The following CELF2 variants were observed in gnomAD, a reference collection of about 807,000 sequenced individuals.
CELF2 encodes CUG triplet repeat RNA-binding protein 2.
A neutral mutation model predicts 62.6 loss-of-function variants in CELF2; 8 were observed. The ratio of observed to expected loss-of-function variants is 0.13; its 90% CI spans 0.07 to 0.23. The LOEUF (loss-of-function observed/expected upper bound fraction) is 0.23. CELF2 is among the 10% of genes least tolerant of loss of function. The probability of loss-of-function intolerance (pLI) is 1.00; values close to 1 mark genes in which losing one functional copy is unlikely to be tolerated. For missense variants in CELF2, 333 were observed against 671.0 expected (o/e 0.50, Z 5.56); for synonymous variants, 258 against 250.0 (o/e 1.03, Z -0.30).
At position 11,328,063 on chromosome 10, in the gene CELF2, T is replaced by C. The variant is rs1167820501; in HGVS notation, c.1439-863T>C. Among the ~76,000 whole-genome samples the C allele has an allele frequency of 6.6e-6, 1 of 152,206 alleles. No homozygotes were observed. The highest frequency in any genetic ancestry group is 1.5e-5 in the Non-Finnish European group (1 of 68,036). On this transcript the variant is annotated intron_variant, in intron 12 of 12. Coordinates refer to ENST00000633077, the MANE Select transcript of CELF2 (RefSeq NM_001326342.2). The surrounding 1 kb of genome is among the most constrained non-coding windows in gnomAD (Gnocchi z 6.4). Reference sequence around the variant, plus strand: ...CAAGATCCTCTTGTCACTGGGTCTTTGCAGTTCTTTTTCAAAAGCTTGCCT... The same window carrying C: ...CAAGATCCTCTTGTCACTGGGTCTTCGCAGTTCTTTTTCAAAAGCTTGCCT...
the CELF2 span, among the ~76,000 whole-genome samples, chr10:10,777,361 A>G: frequency 6.6e-6 from 1 of 152,086 alleles, no homozygotes; most frequent in Admixed American, 6.5e-5. Context: ...ATTCATAATC[A>G]TCTTGTCAAG....
At position 11,195,658 on chromosome 10, in the gene CELF2, G is replaced by A. The variant is rs1275744935; in HGVS notation, c.272-21767G>A. On this transcript the variant is annotated intron_variant, in intron 2 of 12. Coordinates refer to ENST00000633077, the MANE Select transcript of CELF2 (RefSeq NM_001326342.2). ...TACCGTGACCCAAGCTCTTTTGGCA[G>A]ACCTTGACGTCACAAACCGTACGCT... is the stretch of plus-strand genomic sequence containing the variant. Among the ~76,000 whole-genome samples, 3 of 152,236 alleles carry A rather than the reference G, an allele frequency of 2.0e-5. No individual in the cohort carries two copies. The East Asian group carries it at 5.8e-4, about 29-fold the overall frequency.
At chr10:11,283,905 T>G (rs1267409232) in intron 8 of CELF2, among the ~76,000 whole-genome samples, 18 of 28,814 alleles carry the variant, frequency 6.2e-4, no homozygotes, top group Admixed American at 7.5e-4. Flanking sequence ...GATGGATGAC[T>G]GTGTGGTAGG....
chr10:11,054,507 G>GTGTGTATA (rs1554804123), intron 1 of CELF2, among the ~76,000 whole-genome samples: 1 of 151,152 alleles, frequency 6.6e-6, no homozygotes, highest in Non-Finnish European at 1.5e-5. Flanking sequence ...GTGTGTGTGT[G>GTGTGTATA]TGTGTGTGTG....
the CELF2 span, among the ~76,000 whole-genome samples, chr10:10,518,523 A>G: frequency 1.3e-5 from 2 of 152,178 alleles, no homozygotes; most frequent in African/African-American, 4.8e-5. Context: ...TGATTCTATA[A>G]TCTCAAACAT....
chr10:11,032,104 A>G (rs1228022506), intron 1 of CELF2, among the ~76,000 whole-genome samples: 1 of 145,802 alleles, frequency 6.9e-6, no homozygotes. Context: ...TCCCTGGGAC[A>G]TTATATGTCT....
At chr10:10,556,720 C>T in the CELF2 span, among the ~76,000 whole-genome samples, 4 of 152,160 alleles carry the variant, frequency 2.6e-5, no homozygotes, top group South Asian at 2.1e-4. Flanking sequence ...TTAATGATTG[C>T]CATTCTAACT....
the CELF2 span, among the ~76,000 whole-genome samples, chr10:10,504,367 G>T: frequency 6.6e-6 from 1 of 152,026 alleles, no homozygotes; most frequent in African/African-American, 2.4e-5. Flanking sequence ...GTTGTTTTCA[G>T]TATCTGAAAA....
At chr10:10,937,430 A>T (rs933793373) in intron 2 of CELF2, 9 of 152,108 alleles carry the variant, frequency 5.9e-5, no homozygotes, top group African/African-American at 2.2e-4. Context: ...GTGCCTGGCC[A>T]ATTCTACCTT....
At chr10:11,083,728 G>A (rs1342122696) in intron 1 of CELF2, among the ~76,000 whole-genome samples, 2 of 152,170 alleles carry the variant, frequency 1.3e-5, no homozygotes, top group Non-Finnish European at 2.9e-5. Flanking sequence ...AGCTTGAATT[G>A]GACTCTGGGT....
the CELF2 span, among the ~76,000 whole-genome samples, chr10:10,540,225 T>C: frequency 6.6e-6 from 1 of 152,200 alleles, no homozygotes; most frequent in Non-Finnish European, 1.5e-5. Flanking sequence ...TCTGGAAAGA[T>C]GCATGTCAGC....
the CELF2 span, among the ~76,000 whole-genome samples, chr10:10,485,272 G>A: frequency 2.0e-5 from 3 of 152,152 alleles, no homozygotes; most frequent in East Asian, 1.9e-4. Flanking sequence ...CAATTAGAAG[G>A]CGTGATCGTC....
chr10:10,527,432 G>T, the CELF2 span, among the ~76,000 whole-genome samples: 1 of 110,926 alleles, frequency 9.0e-6, no homozygotes, highest in Admixed American at 1.1e-4. Context: ...AGACGACAGA[G>T]CAAAACTCTG....
intron 8 of CELF2, among the ~76,000 whole-genome samples, chr10:11,276,700 C>T (rs575102878): frequency 3.2e-4 from 48 of 152,334 alleles, no homozygotes; most frequent in African/African-American, 1.1e-3. Context: ...TTCCTACCCC[C>T]ACAGTTGGAT....
At chr10:10,949,407 C>G (rs946573244) in intron 2 of CELF2, among the ~76,000 whole-genome samples, 3 of 152,104 alleles carry the variant, frequency 2.0e-5, no homozygotes, top group African/African-American at 7.2e-5. Context: ...ATGGGACACC[C>G]AGTGCCATGG....
intron 2 of CELF2, among the ~76,000 whole-genome samples, chr10:11,184,521 A>T (rs978446801): frequency 2.0e-5 from 3 of 152,232 alleles, no homozygotes; most frequent in Non-Finnish European, 2.9e-5. Context: ...TTGAGTCTTC[A>T]AAACCATGAA....
the CELF2 span, among the ~76,000 whole-genome samples, chr10:10,600,023 G>C: frequency 6.6e-6 from 1 of 152,142 alleles, no homozygotes; most frequent in Non-Finnish European, 1.5e-5. Context: ...GAGCCACCGA[G>C]CCCGGCCTCT....
chr10:10,617,134 A>G, the CELF2 span, among the ~76,000 whole-genome samples: 1 of 152,284 alleles, frequency 6.6e-6, no homozygotes, highest in Non-Finnish European at 1.5e-5. Context: ...AGTTTCTCAG[A>G]TCCCTGCTAG....
At chr10:10,798,176 T>C (rs2054274787), upstream of CELF2, among the ~76,000 whole-genome samples, 2 of 152,100 alleles carry the variant, frequency 1.3e-5, no homozygotes, top group Admixed American at 6.5e-5. Flanking sequence ...AAATTATTTT[T>C]AAAAAACAAA....
Sources: gnomAD v4.1 joint callset for allele counts (sites outside exome capture counted in the v4.1 genomes callset) on GRCh38, gnomAD v4.1.1 for gene constraint, Gnocchi (gnomAD v3.1) non-coding constraint, MANE v1.5 for transcripts, NCBI Gene and HGNC (gene_info 2026-07-23, HGNC 2026-07-21) for gene names.